RBFOX1: variants seen among roughly 807,000 people sequenced by gnomAD.
RBFOX1 encodes RNA binding fox-1 homolog 1, also known as RNA binding protein fox-1 homolog 1.
Under a neutral mutation model 57.7 loss-of-function variants are expected in RBFOX1, and 8 were observed. The observed-to-expected ratio is 0.14, with a 90% CI of 0.08 to 0.25. The LOEUF (loss-of-function observed/expected upper bound fraction) is 0.25, where lower values mean the gene tolerates loss of function less well. Among genes scored for constraint, RBFOX1 ranks in the 10% least tolerant of loss-of-function variants. The probability of loss-of-function intolerance (pLI) is 1.00; values close to 1 mark genes in which losing one functional copy is unlikely to be tolerated. For missense variants in RBFOX1, 611 were observed against 548.5 expected, an observed-to-expected ratio of 1.11 and a Z score of -1.14; for synonymous variants, 326 against 222.4, an observed-to-expected ratio of 1.47 and a Z score of -4.15.
intron 14 of RBFOX1, among the ~76,000 whole-genome samples, chr16:7,677,115 C>T (rs967193356): frequency 2.8e-5 from 2 of 70,866 alleles, no homozygotes; most frequent in East Asian, 2.7e-4. Flanking sequence ...TGACAACGCA[C>T]CTTGCTCACA....
At chr16:6,863,725 CTTTTTTT>C (rs71408412) in intron 3 of RBFOX1, among the ~76,000 whole-genome samples, 796 of 67,748 alleles carry the variant, frequency 0.012, 21 homozygotes, top group Non-Finnish European at 0.017. Context: ...GATGCCTGCG[CTTTTTTT>C]TTTTTTTTTT....
chr16:5,652,008 C>T (rs909449093), intron 3 of RBFOX1, among the ~76,000 whole-genome samples: 1 of 152,102 alleles, frequency 6.6e-6, no homozygotes, highest in Non-Finnish European at 1.5e-5. Flanking sequence ...GTGACACATG[C>T]CTATAGTCCC....
chr16:7,370,734 G>C (rs1453984629), intron 4 of RBFOX1, among the ~76,000 whole-genome samples: 1 of 152,150 alleles, frequency 6.6e-6, no homozygotes, highest in African/African-American at 2.4e-5. Flanking sequence ...TTCCTGTTTA[G>C]GTACCCGAGG....
chr16:7,445,742 CTT>C (rs1196588145), intron 4 of RBFOX1, among the ~76,000 whole-genome samples: 1 of 152,094 alleles, frequency 6.6e-6, no homozygotes, highest in African/African-American at 2.4e-5. Context: ...TTTGTTTTGT[CTT>C]TTCACGCGGG....
intron 8 of RBFOX1, 152 bp from the exon 9 acceptor site, chr16:7,597,219 T>C (rs1330626462): frequency 1.9e-6 from 1 of 514,888 alleles, no homozygotes; most frequent in Non-Finnish European, 3.4e-6. Context: ...ATGTATGATT[T>C]TGTTATGCAC....
chr16:6,729,907 A>G (rs1220193401), intron 3 of RBFOX1, among the ~76,000 whole-genome samples: 1 of 152,170 alleles, frequency 6.6e-6, no homozygotes, highest in African/African-American at 2.4e-5. Context: ...ACAACATGTA[A>G]AACTTGTACA....
At chr16:7,491,734 A>C (rs936442558) in intron 4 of RBFOX1, among the ~76,000 whole-genome samples, 3 of 152,114 alleles carry the variant, frequency 2.0e-5, no homozygotes, top group Non-Finnish European at 4.4e-5. Flanking sequence ...GGGCTCAAGC[A>C]ATCCTCCTGC....
Position 6,951,764 on chromosome 16 carries a change from C to T in RBFOX1, c.-15-100293C>T, listed in dbSNP as rs367893609. ...CTCTCTCTCTTTTGAGATGGAGTCTCGCTCTTTCGCCCAGACTGGAGTGCA... is the reference window on the plus strand; with the variant it reads ...CTCTCTCTCTTTTGAGATGGAGTCTTGCTCTTTCGCCCAGACTGGAGTGCA... On this transcript the variant is annotated intron_variant, in intron 3 of 15. Coordinates refer to ENST00000550418, the MANE Select transcript of RBFOX1 (RefSeq NM_018723.4). Among the ~76,000 whole-genome samples the T allele has an allele frequency of 8.9e-4, 136 of 152,172 alleles. 3 individuals carry two copies. The South Asian group carries it at 0.022, about 25-fold the overall frequency.
intron 4 of RBFOX1, among the ~76,000 whole-genome samples, chr16:7,196,510 T>C (rs2086732777): frequency 6.6e-6 from 1 of 152,218 alleles, no homozygotes; most frequent in Non-Finnish European, 1.5e-5. Context: ...GCGTCTACAA[T>C]GTGCAGGTTA....
intron 2 of RBFOX1, among the ~76,000 whole-genome samples, chr16:5,470,968 C>T (rs888058852): frequency 2.0e-5 from 3 of 152,190 alleles, no homozygotes; most frequent in East Asian, 3.8e-4. Context: ...TCTACTGCCT[C>T]AGCCTCCTAA....
chr16:7,635,642 C>T (rs1163723888), intron 11 of RBFOX1, among the ~76,000 whole-genome samples: 1 of 146,170 alleles, frequency 6.8e-6, no homozygotes, highest in Non-Finnish European at 1.5e-5. Context: ...ATGGACATTA[C>T]ATATATCAAT....
intron 4 of RBFOX1, among the ~76,000 whole-genome samples, chr16:7,238,858 AT>A (rs2152958491): frequency 6.6e-6 from 1 of 152,150 alleles, no homozygotes; most frequent in Admixed American, 6.5e-5. Context: ...TGTTTTTATC[AT>A]TTAGCTCCCA....
chr16:6,931,338 T>TACACACA (rs1360394265), intron 3 of RBFOX1, among the ~76,000 whole-genome samples: 59 of 131,258 alleles, frequency 4.5e-4, no homozygotes, highest in African/African-American at 1.6e-3. Context: ...TCTATCTATC[T>TACACACA]CTACACACAC....
intron 3 of RBFOX1, among the ~76,000 whole-genome samples, chr16:6,931,451 A>G (rs2076548462): frequency 6.6e-6 from 1 of 152,116 alleles, no homozygotes; most frequent in Non-Finnish European, 1.5e-5. Context: ...GCCTTGGACC[A>G]GCATCTCTGC....
chr16:6,890,772 T>A (rs975505932), intron 3 of RBFOX1, among the ~76,000 whole-genome samples: 1 of 152,194 alleles, frequency 6.6e-6, no homozygotes, highest in African/African-American at 2.4e-5. Flanking sequence ...ATTTAAGCTT[T>A]TTTAACCTAC....
intron 4 of RBFOX1, among the ~76,000 whole-genome samples, chr16:7,419,373 C>G (rs762460139): frequency 3.3e-5 from 5 of 152,212 alleles, no homozygotes; most frequent in African/African-American, 4.8e-5. Context: ...TCCACTGTCT[C>G]TCATCTGAAT....
intron 4 of RBFOX1, among the ~76,000 whole-genome samples, chr16:7,220,099 C>A (rs1235372250): frequency 6.6e-6 from 1 of 152,066 alleles, no homozygotes; most frequent in African/African-American, 2.4e-5. Flanking sequence ...TGTATCAGAC[C>A]AAACAAAATT....
chr16:7,575,204 G>A (rs190867997), intron 5 of RBFOX1, among the ~76,000 whole-genome samples: 1 of 151,738 alleles, frequency 6.6e-6, no homozygotes, highest in Non-Finnish European at 1.5e-5. Context: ...GCACGATCTC[G>A]GCTCATTGTA....
At chr16:7,288,651 G>T (rs2095698082) in intron 4 of RBFOX1, among the ~76,000 whole-genome samples, 1 of 152,150 alleles carries the variant, frequency 6.6e-6, no homozygotes, top group Admixed American at 6.5e-5. Flanking sequence ...GACCAGCCTG[G>T]CCAACATGGT....
Sources: gnomAD v4.1 joint callset for allele counts (sites outside exome capture counted in the v4.1 genomes callset) on GRCh38, gnomAD v4.1.1 for gene constraint, MANE v1.5 for transcripts, NCBI Gene and HGNC (gene_info 2026-07-23, HGNC 2026-07-21) for gene names.